RBFOX1: variants seen among roughly 807,000 people sequenced by gnomAD.
RBFOX1 encodes the protein RNA binding fox-1 homolog 1.
A neutral mutation model predicts 57.7 loss-of-function variants in RBFOX1; 8 were observed. The ratio of observed to expected loss-of-function variants is 0.14; its 90% CI spans 0.08 to 0.25. RBFOX1 has a LOEUF of 0.25. Among genes scored for constraint, RBFOX1 ranks in the 10% least tolerant of loss-of-function variants. The pLI is 1.00. For synonymous variants in RBFOX1, 326 were observed against 222.4 expected, an observed-to-expected ratio of 1.47 and a Z score of -4.15; for missense variants, 611 against 548.5, an observed-to-expected ratio of 1.11 and a Z score of -1.14.
intron 4 of RBFOX1, among the ~76,000 whole-genome samples, chr16:7,133,838 A>G (rs1159772642): frequency 1.3e-5 from 2 of 152,200 alleles, no homozygotes; most frequent in Non-Finnish European, 2.9e-5. Flanking sequence ...GTACTCCAAA[A>G]CGTAATGCCC....
At chr16:5,885,168 A>G (rs1472886302) in intron 4 of RBFOX1, among the ~76,000 whole-genome samples, 1 of 152,088 alleles carries the variant, frequency 6.6e-6, no homozygotes. Flanking sequence ...ATGGTTTACC[A>G]CGCTGTTGCA....
At chr16:5,365,346 C>T (rs1433061916) in intron 1 of RBFOX1, among the ~76,000 whole-genome samples, 1 of 152,150 alleles carries the variant, frequency 6.6e-6, no homozygotes, top group Non-Finnish European at 1.5e-5. Flanking sequence ...TCACCCAACA[C>T]ATAAAGTCTA....
intron 1 of RBFOX1, among the ~76,000 whole-genome samples, chr16:6,196,656 A>G (rs1427259597): frequency 6.6e-6 from 1 of 151,826 alleles, no homozygotes; most frequent in Admixed American, 6.6e-5. Flanking sequence ...TATTATTTTC[A>G]TTTTTTTCCT....
chr16:5,470,169 AAGGCT>A (rs1447401421), intron 2 of RBFOX1, among the ~76,000 whole-genome samples: 2 of 152,212 alleles, frequency 1.3e-5, no homozygotes, highest in Non-Finnish European at 2.9e-5. Flanking sequence ...TCAAGCCTGC[AAGGCT>A]GGCCTTCACC....
intron 3 of RBFOX1, among the ~76,000 whole-genome samples, chr16:6,864,995 C>CTTTTTTTTTTTTTTTTTTTTTTTT (rs34341448): frequency 1.2e-5 from 1 of 82,566 alleles, no homozygotes; most frequent in African/African-American, 5.6e-5. Context: ...TTTTCTTTTT[C>CTTTTTTTTTTTTTTTTTTTTTTTT]TTTTTTTTTT....
chr16:5,270,454 A>G lies in RBFOX1; in HGVS notation c.219+30349A>G, dbSNP rs192050604. ...TGATTACTGAAGATGTTCAGGGCAG[A>G]AACTGCCTGACTAACTTCTATGGCA... On this transcript the variant is annotated intron_variant, in intron 1 of 2. Transcript: ENST00000585867. The G allele has an allele frequency of 1.9e-4, 149 of 798,098 alleles. No homozygotes were observed. In the African/African-American group the frequency reaches 2.2e-3, roughly 12 times the overall value. 49.4% of individuals were successfully genotyped at this position (798,098 alleles called of 1,614,324 possible).
At chr16:7,082,060 T>C (rs903695402) in intron 4 of RBFOX1, among the ~76,000 whole-genome samples, 1 of 152,292 alleles carries the variant, frequency 6.6e-6, no homozygotes, top group Middle Eastern at 3.4e-3. Context: ...TTCATAGTGA[T>C]GGTCGGTGGT....
At chr16:6,968,420 C>G (rs889167281) in intron 3 of RBFOX1, among the ~76,000 whole-genome samples, 10 of 152,142 alleles carry the variant, frequency 6.6e-5, no homozygotes, top group African/African-American at 1.9e-4. Flanking sequence ...CTGGTCTCAT[C>G]TCACGCAGCT....
intron 2 of RBFOX1, chr16:6,577,337 G>T (rs920584794): frequency 1.3e-5 from 2 of 152,254 alleles, no homozygotes; most frequent in East Asian, 1.9e-4. Flanking sequence ...GAAAGCAAAG[G>T]TTTAGATTTT....
intron 2 of RBFOX1, among the ~76,000 whole-genome samples, chr16:5,528,258 A>C (rs1432068515): frequency 6.6e-6 from 1 of 152,100 alleles, no homozygotes; most frequent in South Asian, 2.1e-4. Flanking sequence ...TACGGTGCCT[A>C]TCAGTTTTCC....
At chr16:6,545,233 C>G (rs753260700) in intron 2 of RBFOX1, among the ~76,000 whole-genome samples, 2 of 152,194 alleles carry the variant, frequency 1.3e-5, no homozygotes, top group Non-Finnish European at 2.9e-5. Flanking sequence ...CAGATCCAAT[C>G]TTTTTGTAAT....
intron 4 of RBFOX1, among the ~76,000 whole-genome samples, chr16:5,899,655 G>T (rs2058259379): frequency 1.3e-5 from 2 of 152,144 alleles, no homozygotes; most frequent in Non-Finnish European, 2.9e-5. Context: ...CTCCCTGGTG[G>T]GTGGTGCATT....
intron 4 of RBFOX1, among the ~76,000 whole-genome samples, chr16:7,061,367 C>T (rs1290518720): frequency 6.6e-6 from 1 of 152,200 alleles, no homozygotes; most frequent in African/African-American, 2.4e-5. Context: ...AGGAAATCAA[C>T]TTCTTGATTG....
At chr16:7,648,048 C>G (rs1009713048) in intron 11 of RBFOX1, among the ~76,000 whole-genome samples, 3 of 152,102 alleles carry the variant, frequency 2.0e-5, no homozygotes, top group African/African-American at 4.8e-5. Flanking sequence ...CACCTGTAGG[C>G]AAATAATAAA....
intron 4 of RBFOX1, among the ~76,000 whole-genome samples, chr16:6,007,663 G>A (rs1012620236): frequency 5.3e-5 from 8 of 152,278 alleles, no homozygotes; most frequent in Middle Eastern, 3.4e-3. Flanking sequence ...TTTAGTTTGC[G>A]TAAATAGTAG....
chr16:5,364,132 C>T (rs1442473799), intron 1 of RBFOX1, among the ~76,000 whole-genome samples: 1 of 152,148 alleles, frequency 6.6e-6, no homozygotes, highest in Non-Finnish European at 1.5e-5. Flanking sequence ...GGTTTTGAAA[C>T]AAAAAAGTCA....
chr16:5,333,181 C>T (rs2064804869), intron 1 of RBFOX1, among the ~76,000 whole-genome samples: 1 of 83,018 alleles, frequency 1.2e-5, no homozygotes, highest in African/African-American at 3.7e-5. Flanking sequence ...GAGCAAGACT[C>T]CATCTCAAAA....
chr16:6,088,054 C>G (rs925819446), intron 1 of RBFOX1, among the ~76,000 whole-genome samples: 3 of 152,152 alleles, frequency 2.0e-5, no homozygotes, highest in Non-Finnish European at 4.4e-5. Flanking sequence ...ACAGCAGCCA[C>G]AACAAACTTT....
chr16:5,307,700 C>T (rs1334252191), intron 1 of RBFOX1, among the ~76,000 whole-genome samples: 1 of 152,144 alleles, frequency 6.6e-6, no homozygotes. Flanking sequence ...TTTAGAGACA[C>T]GGTCTCACTC....
Sources: allele counts gnomAD v4.1 joint callset (sites outside exome capture counted in the v4.1 genomes callset), GRCh38; gene constraint gnomAD v4.1.1; transcripts MANE v1.5; gene names NCBI Gene and HGNC (gene_info 2026-07-23, HGNC 2026-07-21).